Variants in NXPH2 observed in about 807,000 individuals in gnomAD.
NXPH2 encodes the protein neurexophilin-2.
In NXPH2, 5 loss-of-function variants were observed where a neutral mutation model predicts 19.8. The ratio of observed to expected loss-of-function variants is 0.25; its 90% confidence interval spans 0.13 to 0.53. The LOEUF (loss-of-function observed/expected upper bound fraction) is 0.53. NXPH2 is among the 20% of genes least tolerant of loss of function. The probability of loss-of-function intolerance (pLI) is 0.96; values close to 1 mark genes in which losing one functional copy is unlikely to be tolerated. For synonymous variants in NXPH2, 154 were observed against 127.4 expected, an observed-to-expected ratio of 1.21 and a Z score of -1.41; for missense variants, 289 against 322.8, an observed-to-expected ratio of 0.90 and a Z score of 0.80.
At chr2:138,713,006 G>A (rs192159131) in intron 1 of NXPH2, among the ~76,000 whole-genome samples, 205 of 152,266 alleles carry the variant, frequency 1.3e-3, no homozygotes, top group African/African-American at 4.7e-3. Flanking sequence ...TTAAGTGTTG[G>A]TTATTCAAGA....
At chr2:138,736,011 G>A (rs1462801830) in intron 1 of NXPH2, among the ~76,000 whole-genome samples, 2 of 152,176 alleles carry the variant, frequency 1.3e-5, no homozygotes, top group Non-Finnish European at 2.9e-5. Context: ...ATTGTCTTGG[G>A]CAGTTCTGCC....
chr2:138,682,998 A>G (rs1680600294), intron 1 of NXPH2, among the ~76,000 whole-genome samples: 1 of 152,222 alleles, frequency 6.6e-6, no homozygotes, highest in Non-Finnish European at 1.5e-5. Context: ...TTTGTATTAG[A>G]AAGCTGAATT....
intron 1 of NXPH2, among the ~76,000 whole-genome samples, chr2:138,720,236 T>C (rs1377184136): frequency 6.6e-6 from 1 of 152,106 alleles, no homozygotes; most frequent in East Asian, 1.9e-4. Flanking sequence ...GTACTGATGG[T>C]ATGAAGAACA....
Position 138,722,203 on chromosome 2 carries a change from T to C in NXPH2, c.52-50538A>G, listed in dbSNP as rs111314602. Reference sequence around the variant, plus strand: ...GCAAAGTGAGCAAGAGGATAGAAACTAACTGAGAACTGCTTTTTATTTAAG... The same window carrying C: ...GCAAAGTGAGCAAGAGGATAGAAACCAACTGAGAACTGCTTTTTATTTAAG... On this transcript the variant is annotated intron_variant, in intron 1 of 1. Transcript: ENST00000272641. Among the ~76,000 whole-genome samples the C allele has an allele frequency of 3.7e-3, 568 of 152,312 alleles. 1 individual carries two copies. Among genetic ancestry groups the C allele is most frequent in the African/African-American group, 0.013 (536 of 41,558 alleles).
At chr2:138,754,855 C>T (rs1681882343) in intron 1 of NXPH2, among the ~76,000 whole-genome samples, 1 of 152,060 alleles carries the variant, frequency 6.6e-6, no homozygotes, top group African/African-American at 2.4e-5. Flanking sequence ...GTTCCTGTTG[C>T]TTTGCATCCT....
intron 1 of NXPH2, among the ~76,000 whole-genome samples, chr2:138,686,070 C>T (rs976840513): frequency 1.3e-5 from 2 of 152,250 alleles, no homozygotes; most frequent in Middle Eastern, 3.4e-3. Context: ...GGACCTCTCA[C>T]AACTTTTTAT....
chr2:138,765,463 A>G (rs995447164), intron 1 of NXPH2, among the ~76,000 whole-genome samples: 4 of 152,228 alleles, frequency 2.6e-5, no homozygotes, highest in African/African-American at 9.6e-5. Context: ...TGCAACTCTC[A>G]TAGGGTACCT....
intron 1 of NXPH2, among the ~76,000 whole-genome samples, chr2:138,714,504 T>G (rs1353134661): frequency 6.6e-6 from 1 of 152,146 alleles, no homozygotes; most frequent in Admixed American, 6.6e-5. Flanking sequence ...CTTAAAGTCT[T>G]TTTGAAGGTT....
At chr2:138,734,665 GAGAGATTTTGA>G (rs1200851495) in intron 1 of NXPH2, among the ~76,000 whole-genome samples, 1 of 152,226 alleles carries the variant, frequency 6.6e-6, no homozygotes, top group Admixed American at 6.5e-5. Context: ...CAGTAGTGAT[GAGAGATTTTGA>G]AGAGGCAGAA....
intron 1 of NXPH2, among the ~76,000 whole-genome samples, chr2:138,718,060 TA>T (rs1681219406): frequency 6.6e-6 from 1 of 151,946 alleles, no homozygotes; most frequent in Non-Finnish European, 1.5e-5. Context: ...TTCAGGAAGT[TA>T]AGTAGCTGAC....
chr2:138,723,388 G>GA (rs1681309393), intron 1 of NXPH2, among the ~76,000 whole-genome samples: 1 of 152,172 alleles, frequency 6.6e-6, no homozygotes, highest in African/African-American at 2.4e-5. Flanking sequence ...CATTTGAGGG[G>GA]AAAAAATCAG....
intron 1 of NXPH2, among the ~76,000 whole-genome samples, chr2:138,760,473 C>T (rs1036062405): frequency 5.3e-5 from 8 of 152,200 alleles, no homozygotes; most frequent in African/African-American, 1.2e-4. Context: ...ATCCATTGCA[C>T]GGAGGTCCCT....
At chr2:138,702,636 T>C (rs1324142388) in intron 1 of NXPH2, among the ~76,000 whole-genome samples, 1 of 141,906 alleles carries the variant, frequency 7.0e-6, no homozygotes, top group Non-Finnish European at 1.5e-5. Context: ...GAAAAAATGA[T>C]AGAAATAGAG....
At chr2:138,712,951 T>G (rs528159554) in intron 1 of NXPH2, among the ~76,000 whole-genome samples, 38 of 152,374 alleles carry the variant, frequency 2.5e-4, no homozygotes, top group African/African-American at 8.2e-4. Context: ...CAATTCTTTC[T>G]TCTCTCAGCT....
chr2:138,750,793 A>G (rs1327499986), intron 1 of NXPH2, among the ~76,000 whole-genome samples: 1 of 152,168 alleles, frequency 6.6e-6, no homozygotes, highest in Non-Finnish European at 1.5e-5. Context: ...AAAAATCTAA[A>G]TAGTACAGGC....
chr2:138,714,463 A>C lies in NXPH2; in HGVS notation c.52-42798T>G, dbSNP rs764779075. ...GGGGTAACTTTTCTCATTAATTAGA[A>C]GACTTCCAATTTCCACACCTTAGGA... On this transcript the variant is annotated intron_variant, in intron 1 of 1. Coordinates refer to ENST00000272641, the MANE Select transcript of NXPH2 (RefSeq NM_007226.3). 3.3e-5 allele frequency among the ~76,000 whole-genome samples: 5 copies of C among 152,318 alleles called. 1 individual carries two copies. In the Middle Eastern group the frequency reaches 0.01, roughly 311 times the overall value.
At chr2:138,760,598 T>C (rs1012905143) in intron 1 of NXPH2, among the ~76,000 whole-genome samples, 3 of 152,152 alleles carry the variant, frequency 2.0e-5, no homozygotes, top group Non-Finnish European at 2.9e-5. Flanking sequence ...TAGGCTAGTG[T>C]TTCTCCAAGT....
chr2:138,746,536 G>A (rs944373381), intron 1 of NXPH2, among the ~76,000 whole-genome samples: 3 of 152,198 alleles, frequency 2.0e-5, no homozygotes, highest in African/African-American at 7.2e-5. Flanking sequence ...GCTTTGGTGG[G>A]CAAGCCCTTC....
chr2:138,675,312 C>T (rs190498439), intron 1 of NXPH2, among the ~76,000 whole-genome samples: 8 of 152,000 alleles, frequency 5.3e-5, no homozygotes, highest in Non-Finnish European at 7.4e-5. Context: ...TAGTGCTTTG[C>T]CCAATTTTCT....
Sources: gnomAD v4.1 joint callset for allele counts (sites outside exome capture counted in the v4.1 genomes callset) on GRCh38, gnomAD v4.1.1 for gene constraint, MANE v1.5 for transcripts, NCBI Gene and HGNC (gene_info 2026-07-23, HGNC 2026-07-21) for gene names.